The following TMEM63C variants were observed in gnomAD, a reference collection of about 807,000 sequenced individuals.
The protein encoded by TMEM63C is osmosensitive cation channel TMEM63C.
In TMEM63C, 32 loss-of-function variants were observed where a neutral mutation model predicts 99.2. That is an observed-to-expected ratio of 0.32 (90% confidence interval 0.24 to 0.43). The LOEUF is 0.43. Ranked by LOEUF, TMEM63C falls within the 20% of genes least tolerant of loss-of-function variation. TMEM63C has a pLI of 1.00. For missense variants in TMEM63C, 826 were observed against 1,053.0 expected (o/e 0.78, Z 2.98); for synonymous variants, 376 against 397.9 (o/e 0.94, Z 0.66).
chr14:77,186,805 G>GTGTGTC (rs1555345718), intron 1 of TMEM63C, among the ~76,000 whole-genome samples: 2 of 150,608 alleles, frequency 1.3e-5, no homozygotes, highest in African/African-American at 2.5e-5. Context: ...GTGTGTCTGT[G>GTGTGTC]TGTGTGTGTG....
Position 77,256,869 on chromosome 14 carries a change from C to T in TMEM63C, c.*143C>T. On this transcript the variant is annotated 3_prime_UTR_variant, in exon 24 of 24. Transcript: ENST00000298351. The stretch of plus-strand genomic sequence containing the variant: ...CAGTGGAGACATCCACCACCCCAGC[C>T]ATGGGCCATACGGGGGTCCTGACCT... The T allele has an allele frequency of 1.3e-6, 1 of 772,582 alleles. No homozygotes were observed. Among genetic ancestry groups the T allele is most frequent in the South Asian group, 1.8e-5 (1 of 54,822 alleles). The allele number at this position is 772,582 out of a possible 1,614,324, so 47.9% of individuals were successfully genotyped here. A position where few individuals can be genotyped will look rare whatever the true frequency, so the allele number is the denominator to read the frequency against.
At chr14:77,249,816 G>A (rs1284269012) in intron 21 of TMEM63C, among the ~76,000 whole-genome samples, 1 of 152,154 alleles carries the variant, frequency 6.6e-6, no homozygotes, top group African/African-American at 2.4e-5. Flanking sequence ...CCCATAAGAT[G>A]CCTGGTTTTT....
chr14:77,199,987 G>T (rs144180435), intron 1 of TMEM63C, among the ~76,000 whole-genome samples: 6 of 152,332 alleles, frequency 3.9e-5, no homozygotes, highest in African/African-American at 9.6e-5. Flanking sequence ...CAGAGAAGCA[G>T]ATTGTCGCAG....
intron 6 of TMEM63C, among the ~76,000 whole-genome samples, chr14:77,226,290 A>G (rs1888823569): frequency 6.6e-6 from 1 of 152,012 alleles, no homozygotes; most frequent in Admixed American, 6.5e-5. Context: ...TCTGTCAGGG[A>G]CCCAGCATCT....
At chr14:77,194,033 A>G (rs1049931421) in intron 1 of TMEM63C, among the ~76,000 whole-genome samples, 1 of 152,174 alleles carries the variant, frequency 6.6e-6, no homozygotes, top group Non-Finnish European at 1.5e-5. Flanking sequence ...AAAGATATTC[A>G]TTACAGAGTA....
chr14:77,243,135 G>T lies in TMEM63C; in HGVS notation c.1341+79G>T, dbSNP rs964622482. ...TTCAGGCGAGGATGGGATGGGGGGA[G>T]CCCCCTGGGAGGGGGCTGTGGAGCC... On this transcript the variant is annotated intron_variant, in intron 15 of 23. Coordinates refer to ENST00000298351, the MANE Select transcript of TMEM63C (RefSeq NM_020431.4). 12 of 1,531,504 alleles carry T rather than the reference G, an allele frequency of 7.8e-6. No homozygotes were observed. In the African/African-American group the frequency reaches 1.5e-4, roughly 19 times the overall value. The allele number at this position is 1,531,504 out of a possible 1,614,324, so 94.9% of individuals were successfully genotyped here. A position where few individuals can be genotyped will look rare whatever the true frequency, so the allele number is the denominator to read the frequency against.
chr14:77,193,023 T>C (rs1470416724), intron 1 of TMEM63C, among the ~76,000 whole-genome samples: 1 of 152,184 alleles, frequency 6.6e-6, no homozygotes, highest in Non-Finnish European at 1.5e-5. Context: ...AAGAGATGAA[T>C]GACAATTTGC....
intron 6 of TMEM63C, among the ~76,000 whole-genome samples, chr14:77,227,315 A>T (rs988444816): frequency 2.0e-5 from 3 of 151,942 alleles, no homozygotes; most frequent in African/African-American, 7.3e-5. Context: ...ATGGGAGGGG[A>T]AGATGGGAGG....
rs181224451 is a variant in TMEM63C, at chr14:77,228,559, C to T, written c.351-3029C>T. On this transcript the variant is annotated intron_variant, in intron 6 of 23. Transcript: ENST00000298351. ...ATAAATCTTTTTTTTTTTTTTAAGA[C>T]GGAGTCTCACTCTGTCGCCCAGGCT... Among the ~76,000 whole-genome samples the T allele has an allele frequency of 3.1e-4, 44 of 142,798 alleles. No homozygotes were observed. In the East Asian group the frequency reaches 5.3e-3, roughly 17 times the overall value. 93.7% of individuals were successfully genotyped at this position (142,798 alleles called of 152,430 possible).
rs375223685 is a variant in TMEM63C, at chr14:77,187,683, A to G, written c.-77+5789A>G. 2.0e-3 allele frequency among the ~76,000 whole-genome samples: 300 copies of G among 152,290 alleles called. 1 individual carries two copies. Among genetic ancestry groups the G allele is most frequent in the African/African-American group, 6.8e-3 (281 of 41,568 alleles). ...ACCCTCCTGTGTGGCTGGGGAGAGA[A>G]CCCAGACCATCGCAGCCCTGATCTG... On this transcript the variant is annotated intron_variant, in intron 1 of 23. Coordinates refer to ENST00000298351, the MANE Select transcript of TMEM63C (RefSeq NM_020431.4).
chr14:77,248,748 C>T lies in TMEM63C; in HGVS notation c.1765-19C>T. On this transcript the variant is annotated intron_variant, in intron 19 of 23. Coordinates refer to ENST00000298351, the MANE Select transcript of TMEM63C (RefSeq NM_020431.4). ...AGGGGACTGGGCCACCTCAGGGTGA[C>T]ACCTGCCTTCTGCCCCAGAACCAGG... 6.2e-7 allele frequency: 1 copy of T among 1,610,510 alleles called. No individual in the cohort carries two copies. Among genetic ancestry groups the T allele is most frequent in the Non-Finnish European group, 8.5e-7 (1 of 1,176,722 alleles).
At chr14:77,218,757 C>G in intron 2 of TMEM63C, 44 bp from the exon 3 acceptor site, 1 of 1,599,840 alleles carries the variant, frequency 6.3e-7, no homozygotes, top group Non-Finnish European at 8.5e-7. Context: ...TTGCAAAATG[C>G]AAGGGAGTCT....
Position 77,231,588 on chromosome 14 carries a change from G to A in TMEM63C, c.351G>A (p.Lys117=). ...GTCCTTGTCTGTGTGTCTCTTCCAG[G>A]GACGAGGATCTGATTAACAAGTGTG... is the stretch of plus-strand genomic sequence containing the variant. ...CSWFFNSITM[K]DEDLINKCGD... The change falls in exon 7 of 24, where the codon AAG becomes AAA. Residue 117 remains lysine (K), a splice_region_variant and synonymous_variant. Coordinates refer to ENST00000298351, the MANE Select transcript of TMEM63C (RefSeq NM_020431.4). 6.4e-7 allele frequency: 1 copy of A among 1,551,606 alleles called. No individual in the cohort carries two copies. Among genetic ancestry groups the A allele is most frequent in the Middle Eastern group, 1.7e-4 (1 of 5,990 alleles).
intron 1 of TMEM63C, among the ~76,000 whole-genome samples, chr14:77,184,501 G>A (rs960150169): frequency 6.6e-6 from 1 of 152,142 alleles, no homozygotes; most frequent in African/African-American, 2.4e-5. Flanking sequence ...AAAGATAATG[G>A]GTGTAAAGTG....
At chr14:77,243,868 A>C (rs1418816846) in intron 15 of TMEM63C, among the ~76,000 whole-genome samples, 1 of 152,028 alleles carries the variant, frequency 6.6e-6, no homozygotes, top group Non-Finnish European at 1.5e-5. Flanking sequence ...TACAGTCAAC[A>C]TGTGTGCATG....
At chr14:77,234,953 G>A (rs1374060901) in intron 8 of TMEM63C, among the ~76,000 whole-genome samples, 3 of 152,172 alleles carry the variant, frequency 2.0e-5, no homozygotes, top group Admixed American at 2.0e-4. Context: ...AAGTACTTCA[G>A]CAGCTCTGGG....
At chr14:77,194,557 T>TTTTCTTTCTTTCTGTCTTTCTTTCTG (rs1555346144) in intron 1 of TMEM63C, among the ~76,000 whole-genome samples, 2 of 118,570 alleles carry the variant, frequency 1.7e-5, no homozygotes, top group Admixed American at 9.1e-5. Flanking sequence ...TTCTTTCTCT[T>TTTTCTTTCTTTCTGTCTTTCTTTCTG]TCTTTCTTTC....
At chr14:77,210,011 T>C (rs535815233) in intron 1 of TMEM63C, among the ~76,000 whole-genome samples, 102 of 152,246 alleles carry the variant, frequency 6.7e-4, no homozygotes, top group African/African-American at 2.1e-3. Context: ...ACTGCCACAC[T>C]GTGACATGGT....
At position 77,225,410 on chromosome 14, in the gene TMEM63C, T is replaced by A. The variant is rs404728; in HGVS notation, c.313-14T>A. The A allele has an allele frequency of 6.2e-7, 1 of 1,612,170 alleles. No homozygotes were observed. On this transcript the variant is annotated splice_polypyrimidine_tract_variant and intron_variant, in intron 5 of 23. Coordinates refer to ENST00000298351, the MANE Select transcript of TMEM63C (RefSeq NM_020431.4). ...GACCTGGGTTTTCTCACAGTTTCTC[T>A]CCTTTCCCCGCAGGGATTCTGTTCC... is the stretch of plus-strand genomic sequence containing the variant.
Sources: allele counts gnomAD v4.1 joint callset (sites outside exome capture counted in the v4.1 genomes callset), GRCh38; gene constraint gnomAD v4.1.1; transcripts MANE v1.5; gene names NCBI Gene and HGNC (gene_info 2026-07-23, HGNC 2026-07-21).